The following CNTN4 variants were observed in gnomAD, a reference collection of about 807,000 sequenced individuals.
CNTN4 encodes the protein contactin 4.
Under a neutral mutation model 122.5 loss-of-function variants are expected in CNTN4, and 77 were observed. The ratio of observed to expected loss-of-function variants is 0.63; its 90% CI spans 0.52 to 0.76. The LOEUF (loss-of-function observed/expected upper bound fraction) is 0.76, where lower values mean the gene tolerates loss of function less well. CNTN4 is among the 30% of genes least tolerant of loss of function. CNTN4 has a pLI of 0.00. For synonymous variants in CNTN4, 512 were observed against 447.0 expected, an observed-to-expected ratio of 1.15 and a Z score of -1.83; for missense variants, 1,256 against 1,259.1, an observed-to-expected ratio of 1.00 and a Z score of 0.04.
At chr3:2,944,474 A>T (rs943176591) in intron 13 of CNTN4, among the ~76,000 whole-genome samples, 3 of 152,072 alleles carry the variant, frequency 2.0e-5, no homozygotes, top group Non-Finnish European at 4.4e-5. Context: ...TGGTAACGAA[A>T]CTTTTATTAT....
chr3:2,748,951 C>G (rs189974733), intron 6 of CNTN4, among the ~76,000 whole-genome samples: 176 of 152,176 alleles, frequency 1.2e-3, no homozygotes, highest in African/African-American at 4.1e-3. Context: ...CTTTTGTTCC[C>G]TCTGCCTGAT....
At chr3:2,698,696 T>G (rs1254579405) in intron 4 of CNTN4, among the ~76,000 whole-genome samples, 1 of 152,154 alleles carries the variant, frequency 6.6e-6, no homozygotes, top group South Asian at 2.1e-4. Flanking sequence ...GGCATTCTTT[T>G]AAGATATAAA....
intron 2 of CNTN4, among the ~76,000 whole-genome samples, chr3:2,287,700 GAAGAAGAAGAGGAAGAAGAAGAA>G (rs1559415874): frequency 0.035 from 2,730 of 77,552 alleles, 161 homozygotes; most frequent in East Asian, 0.043. Flanking sequence ...AGAGGAAGAA[GAAGAAGAAGAGGAAGAAGAAGAA>G]GAAGAAGAAG....
chr3:2,383,701 C>A (rs1013299498), intron 3 of CNTN4, among the ~76,000 whole-genome samples: 1 of 149,054 alleles, frequency 6.7e-6, no homozygotes, highest in Non-Finnish European at 1.5e-5. Context: ...CCTTCCCTTT[C>A]TTTCCCTCCC....
chr3:2,459,451 A>G (rs1445476034), intron 3 of CNTN4, among the ~76,000 whole-genome samples: 1 of 152,138 alleles, frequency 6.6e-6, no homozygotes, highest in Non-Finnish European at 1.5e-5. Flanking sequence ...TGGCATTTTC[A>G]GTCCCATCAT....
At chr3:2,586,321 T>G (rs898825654) in intron 4 of CNTN4, among the ~76,000 whole-genome samples, 1 of 152,232 alleles carries the variant, frequency 6.6e-6, no homozygotes, top group Non-Finnish European at 1.5e-5. Flanking sequence ...AGACGGAGTC[T>G]TGCTCTTATT....
chr3:2,387,218 C>A (rs1264264826), intron 3 of CNTN4, among the ~76,000 whole-genome samples: 1 of 152,098 alleles, frequency 6.6e-6, no homozygotes, highest in African/African-American at 2.4e-5. Context: ...GTGACACAGT[C>A]TATTTTGCTG....
chr3:2,490,487 A>G (rs189471221), intron 3 of CNTN4, among the ~76,000 whole-genome samples: 52 of 151,802 alleles, frequency 3.4e-4, no homozygotes, highest in Admixed American at 3.4e-3. Context: ...CATAAGCCAT[A>G]TTTTGGGGAT....
chr3:2,328,263 G>C (rs1267447893), intron 2 of CNTN4, among the ~76,000 whole-genome samples: 3 of 150,740 alleles, frequency 2.0e-5, no homozygotes, highest in South Asian at 2.1e-4. Flanking sequence ...AAAATTAGCC[G>C]GGCGTGGTGG....
At chr3:2,592,986 G>C (rs1292396372) in intron 4 of CNTN4, among the ~76,000 whole-genome samples, 2 of 152,182 alleles carry the variant, frequency 1.3e-5, no homozygotes, top group Non-Finnish European at 1.5e-5. Flanking sequence ...AGAATGGGAA[G>C]TCTGAATTTG....
chr3:2,332,194 A>C (rs551661132), intron 2 of CNTN4, among the ~76,000 whole-genome samples: 1 of 152,166 alleles, frequency 6.6e-6, no homozygotes, highest in Non-Finnish European at 1.5e-5. Context: ...AATGCCAACT[A>C]CAGCTCCGGT....
chr3:2,493,169 T>C (rs1409264203), intron 3 of CNTN4, among the ~76,000 whole-genome samples: 1 of 152,102 alleles, frequency 6.6e-6, no homozygotes, highest in East Asian at 1.9e-4. Context: ...GTCATACTTT[T>C]TCTGGGTACA....
At chr3:2,289,437 T>C (rs757885809) in intron 2 of CNTN4, among the ~76,000 whole-genome samples, 28 of 152,234 alleles carry the variant, frequency 1.8e-4, no homozygotes, top group Non-Finnish European at 1.0e-4. Context: ...ACAGAGTTTC[T>C]ATAAGGATTA....
At chr3:2,668,716 A>T (rs1311180800) in intron 4 of CNTN4, among the ~76,000 whole-genome samples, 1 of 152,150 alleles carries the variant, frequency 6.6e-6, no homozygotes, top group Non-Finnish European at 1.5e-5. Flanking sequence ...TCAGTATGAT[A>T]TTGGCTGTGG....
chr3:2,571,265 T>C, intron 3 of CNTN4, 151 bp from the exon 4 acceptor site: 1 of 573,724 alleles, frequency 1.7e-6, no homozygotes, highest in Non-Finnish European at 3.1e-6. Context: ...CTTATTAGCT[T>C]TATATTCATA....
rs9853379 is a variant in CNTN4 at position 2,991,942 on chromosome 3, A to G, written c.1486+3470A>G. ...ATTTCCTCATGTGTCTGGGATTAAA[A>G]CACCGTGAAGGTCGGGCGTCAGAAC... On this transcript the variant is annotated intron_variant, in intron 14 of 24. Coordinates refer to ENST00000418658, the MANE Select transcript of CNTN4 (RefSeq NM_175607.3). Among the ~76,000 whole-genome samples the G allele has an allele frequency of 0.51, 78,038 of 152,078 alleles. 20,675 individuals carry two copies. Among genetic ancestry groups the G allele is most frequent in the African/African-American group, 0.64 (26,722 of 41,488 alleles).
rs111722752 is a variant in CNTN4 at position 2,726,683 on chromosome 3, G to A, written c.56-9532G>A. 2.8e-3 allele frequency among the ~76,000 whole-genome samples: 426 copies of A among 152,204 alleles called. 2 individuals carry two copies. Among genetic ancestry groups the A allele is most frequent in the African/African-American group, 9.9e-3 (412 of 41,504 alleles). On this transcript the variant is annotated intron_variant, in intron 4 of 24. Coordinates refer to ENST00000418658, the MANE Select transcript of CNTN4 (RefSeq NM_175607.3). ...ACAGTAATGCACCTAAATATAAATC[G>A]GAAAGTTTGCTGCAGTGGAGCGCTG...
intron 3 of CNTN4, among the ~76,000 whole-genome samples, chr3:2,543,844 C>CA (rs1261973672): frequency 6.6e-6 from 1 of 152,058 alleles, no homozygotes; most frequent in Non-Finnish European, 1.5e-5. Flanking sequence ...GTTTTACTTG[C>CA]ATATATTAAG....
intron 2 of CNTN4, among the ~76,000 whole-genome samples, chr3:2,327,922 C>A (rs995736410): frequency 6.6e-6 from 1 of 152,110 alleles, no homozygotes; most frequent in African/African-American, 2.4e-5. Context: ...AGAAAGAATT[C>A]CCCTCACCCC....
Sources: allele counts gnomAD v4.1 joint callset (sites outside exome capture counted in the v4.1 genomes callset), GRCh38; gene constraint gnomAD v4.1.1; transcripts MANE v1.5; gene names NCBI Gene and HGNC (gene_info 2026-07-23, HGNC 2026-07-21).